The following LRCH3 variants were observed in gnomAD, a reference collection of about 807,000 sequenced individuals.
LRCH3 encodes leucine rich repeats and calponin homology domain containing 3.
LRCH3 carries 68 observed loss-of-function variants against 104.5 expected under a neutral mutation model. The observed-to-expected ratio is 0.65, with a 90% CI of 0.54 to 0.80. The LOEUF is 0.80. LRCH3 is among the 30% of genes least tolerant of loss of function. LRCH3 has a pLI of 0.00. For missense variants in LRCH3, 951 were observed against 953.9 expected (o/e 1.00, Z 0.04); for synonymous variants, 344 against 361.3 (o/e 0.95, Z 0.54).
intron 1 of LRCH3, among the ~76,000 whole-genome samples, chr3:197,811,900 G>A (rs191950715): frequency 2.3e-4 from 35 of 152,264 alleles, no homozygotes; most frequent in Non-Finnish European, 4.7e-4. Flanking sequence ...TTATTGCTGA[G>A]ACATAAGATA....
chr3:197,858,966 A>C, intron 15 of LRCH3, 61 bp downstream of exon 15: 1 of 1,265,786 alleles, frequency 7.9e-7, no homozygotes, highest in Non-Finnish European at 1.2e-6. Context: ...TAAGGTCTTG[A>C]ATTTTTTGGT....
At chr3:197,881,463 GTGTT>G (rs1713766788) in intron 20 of LRCH3, 2 of 985,392 alleles carry the variant, frequency 2.0e-6, no homozygotes, top group Non-Finnish European at 2.4e-6. Context: ...CTTCCAGATT[GTGTT>G]TGTTATGTGT....
In LRCH3 at chr3:197,886,038, G is replaced by A. The variant is rs1467456230; in HGVS notation, c.*2372G>A. 2.0e-5 allele frequency: 3 copies of A among 152,048 alleles called. No individual in the cohort carries two copies. The highest frequency in any genetic ancestry group is 6.6e-5 in the Admixed American group (1 of 15,258). The allele number at this position is 152,048 out of a possible 1,614,324, so 9.4% of individuals were successfully genotyped here. A position where few individuals can be genotyped will look rare whatever the true frequency, so the allele number is the denominator to read the frequency against. On this transcript the variant is annotated 3_prime_UTR_variant, in exon 21 of 21. Coordinates refer to ENST00000425562, the MANE Select transcript of LRCH3 (RefSeq NM_001365715.1). ...TCATCAGAACATTACCACTTGACCA[G>A]GTTTAAAATTGTATAACAGGCTGGG...
chr3:197,799,060 C>T (rs781259457), intron 1 of LRCH3, among the ~76,000 whole-genome samples: 17 of 152,144 alleles, frequency 1.1e-4, no homozygotes, highest in South Asian at 2.1e-4. Context: ...AGGATGGTTT[C>T]TTTAGGGGAG....
At chr3:197,809,095 C>A (rs1168996175) in intron 1 of LRCH3, among the ~76,000 whole-genome samples, 1 of 151,856 alleles carries the variant, frequency 6.6e-6, no homozygotes, top group Non-Finnish European at 1.5e-5. Context: ...GTCAGGAGTT[C>A]AGGACCAGCC....
At chr3:197,792,577 T>TTATGTATATATATATATATATA (rs1352243221) in intron 1 of LRCH3, among the ~76,000 whole-genome samples, 1 of 20,330 alleles carries the variant, frequency 4.9e-5, no homozygotes, top group Non-Finnish European at 1.2e-4. Context: ...CCAGCTAATT[T>TTATGTATATATATATATATATA]TATATATATA....
chr3:197,810,278 T>C lies in LRCH3; in HGVS notation c.263-4630T>C, dbSNP rs1732975787. Among the ~76,000 whole-genome samples the C allele has an allele frequency of 6.6e-6, 1 of 152,164 alleles. No homozygotes were observed. Among genetic ancestry groups the C allele is most frequent in the African/African-American group, 2.4e-5 (1 of 41,438 alleles). Reference sequence around the variant, plus strand: ...TTCAAAGGATTCTCCTGCCTCAGCCTCCTGAGTAGCTGAGATTACAGGTGC... The same window carrying C: ...TTCAAAGGATTCTCCTGCCTCAGCCCCCTGAGTAGCTGAGATTACAGGTGC... On this transcript the variant is annotated intron_variant, in intron 1 of 20. Coordinates refer to ENST00000425562, the MANE Select transcript of LRCH3 (RefSeq NM_001365715.1). The surrounding 1 kb of genome is among the most constrained non-coding windows in gnomAD (Gnocchi z 4.0).
chr3:197,878,762 G>C (rs1309956866), intron 20 of LRCH3, among the ~76,000 whole-genome samples: 1 of 152,210 alleles, frequency 6.6e-6, no homozygotes, highest in African/African-American at 2.4e-5. Context: ...CCCTCTGCCA[G>C]AGGAAGAGAA....
At chr3:197,825,805 AT>A (rs900368979) in intron 4 of LRCH3, among the ~76,000 whole-genome samples, 6 of 151,820 alleles carry the variant, frequency 4.0e-5, no homozygotes, top group African/African-American at 1.5e-4. Flanking sequence ...TTTATTATTC[AT>A]TTCTGTGTCA....
At chr3:197,880,726 T>C in intron 20 of LRCH3, 3 of 1,536,716 alleles carry the variant, frequency 2.0e-6, no homozygotes, top group Middle Eastern at 1.7e-4. Context: ...AAGATTGCAC[T>C]CCGGTGACTT....
chr3:197,843,232 G>A (rs1191253882), intron 10 of LRCH3, among the ~76,000 whole-genome samples: 1 of 152,086 alleles, frequency 6.6e-6, no homozygotes, highest in African/African-American at 2.4e-5. Flanking sequence ...GATAAAACCT[G>A]GAAGTTTTTT....
At chr3:197,851,056 TACTC>T (rs1202349055) in intron 12 of LRCH3, 5 of 688,582 alleles carry the variant, frequency 7.3e-6, no homozygotes, top group African/African-American at 5.3e-5. Flanking sequence ...TAAGATTAAA[TACTC>T]AGGAAGTGGC....
intron 20 of LRCH3, among the ~76,000 whole-genome samples, chr3:197,879,450 TC>T (rs1170616252): frequency 6.6e-6 from 1 of 150,800 alleles, no homozygotes; most frequent in Admixed American, 6.6e-5. Context: ...ATCGAGACCA[TC>T]CTGGCTAACA....
At chr3:197,881,291 G>A (rs76678626) in intron 20 of LRCH3, 109,354 of 989,454 alleles carry the variant, frequency 0.11, 6,319 homozygotes, top group African/African-American at 0.13. Context: ...CGGTCTGGAC[G>A]TTTCAAAGGT....
intron 20 of LRCH3, chr3:197,882,543 A>T (rs1213160656): frequency 3.2e-6 from 3 of 940,982 alleles, no homozygotes; most frequent in African/African-American, 1.8e-5. Context: ...AAACAAAAAA[A>T]CCCAACTAGT....
intron 1 of LRCH3, among the ~76,000 whole-genome samples, chr3:197,812,227 G>T (rs1447246152): frequency 6.6e-6 from 1 of 151,892 alleles, no homozygotes; most frequent in Admixed American, 6.6e-5. Context: ...TATGAATTTG[G>T]CTGTTCTAGG....
intron 20 of LRCH3, among the ~76,000 whole-genome samples, chr3:197,880,012 C>T (rs1276307526): frequency 5.3e-5 from 8 of 150,076 alleles, no homozygotes; most frequent in African/African-American, 2.0e-4. Flanking sequence ...GTGGCGCGAT[C>T]TCGGCTCACT....
intron 1 of LRCH3, among the ~76,000 whole-genome samples, chr3:197,812,087 A>G (rs1158315729): frequency 1.3e-5 from 2 of 152,180 alleles, no homozygotes; most frequent in Non-Finnish European, 2.9e-5. Context: ...AAGTACCTTC[A>G]TACTGTTGTG....
chr3:197,847,356 G>C, intron 10 of LRCH3, 53 bp from the exon 11 acceptor site: 1 of 1,483,570 alleles, frequency 6.7e-7, no homozygotes, highest in Non-Finnish European at 9.1e-7. Context: ...TTATGTATCT[G>C]TTTGTCTTTT....
Sources: allele counts gnomAD v4.1 joint callset (sites outside exome capture counted in the v4.1 genomes callset), GRCh38; gene constraint gnomAD v4.1.1; non-coding constraint Gnocchi (gnomAD v3.1); transcripts MANE v1.5; gene names NCBI Gene and HGNC (gene_info 2026-07-23, HGNC 2026-07-21).